CDH4: variants seen among roughly 807,000 people sequenced by gnomAD.
CDH4 encodes cadherin 4.
A neutral mutation model predicts 86.0 loss-of-function variants in CDH4; 33 were observed. The observed-to-expected ratio is 0.38, with a 90% CI of 0.29 to 0.51. The LOEUF is 0.51. CDH4 is among the 20% of genes least tolerant of loss of function. The pLI is 0.86. For missense variants in CDH4, 1,114 were observed against 1,307.4 expected (o/e 0.85, Z 2.28); for synonymous variants, 555 against 549.4 (o/e 1.01, Z -0.14).
At chr20:61,275,783 C>T (rs889433410) in intron 2 of CDH4, among the ~76,000 whole-genome samples, 1 of 151,962 alleles carries the variant, frequency 6.6e-6, no homozygotes, top group African/African-American at 2.4e-5. Flanking sequence ...TCTGAAGGAT[C>T]CTGGATTCTG....
At chr20:61,289,164 C>G (rs1568783333) in intron 2 of CDH4, among the ~76,000 whole-genome samples, 1 of 152,348 alleles carries the variant, frequency 6.6e-6, no homozygotes, top group Middle Eastern at 3.4e-3. Context: ...GGGTGCCCCA[C>G]TGCACCCTGC....
At chr20:61,744,351 AGAGG>A (rs1444122807) in intron 3 of CDH4, among the ~76,000 whole-genome samples, 1 of 149,406 alleles carries the variant, frequency 6.7e-6, no homozygotes, top group Non-Finnish European at 1.5e-5. Flanking sequence ...ACAGGAAAGG[AGAGG>A]GAGGGAGAGG....
At chr20:61,897,393 CAAGCACTGACCAGCAT>C (rs1294164910) in intron 8 of CDH4, among the ~76,000 whole-genome samples, 4 of 152,130 alleles carry the variant, frequency 2.6e-5, no homozygotes, top group Non-Finnish European at 4.4e-5. Context: ...GGACCAGCCA[CAAGCACTGACCAGCAT>C]AAGCACTGAC....
intron 2 of CDH4, among the ~76,000 whole-genome samples, chr20:61,533,633 A>G (rs4925186): frequency 0.15 from 23,396 of 152,190 alleles, 2,113 homozygotes; most frequent in East Asian, 0.45. Context: ...AATTAGAGCT[A>G]CTTCGGGTAC....
intron 7 of CDH4, among the ~76,000 whole-genome samples, chr20:61,888,803 G>A (rs1984659139): frequency 6.6e-6 from 1 of 152,180 alleles, no homozygotes; most frequent in Non-Finnish European, 1.5e-5. Flanking sequence ...CAGCATCAGG[G>A]ACCCTGACCG....
At chr20:61,464,801 G>T (rs1002946431) in intron 2 of CDH4, among the ~76,000 whole-genome samples, 1 of 152,330 alleles carries the variant, frequency 6.6e-6, no homozygotes, top group East Asian at 1.9e-4. Context: ...CCACTGGGGG[G>T]TGGAGGGACA....
At chr20:61,600,199 G>A (rs2086589142) in intron 2 of CDH4, among the ~76,000 whole-genome samples, 1 of 152,250 alleles carries the variant, frequency 6.6e-6, no homozygotes, top group South Asian at 2.1e-4. Context: ...CAGAACCGGA[G>A]GCCTGTGCAT....
intron 4 of CDH4, among the ~76,000 whole-genome samples, chr20:61,776,425 C>T (rs1406550067): frequency 2.0e-5 from 3 of 152,154 alleles, no homozygotes; most frequent in African/African-American, 7.2e-5. Context: ...TTCCGTGCTC[C>T]CAGGAAACCA....
chr20:61,806,557 A>G (rs904085694), intron 4 of CDH4, among the ~76,000 whole-genome samples: 15 of 120,054 alleles, frequency 1.2e-4, no homozygotes, highest in African/African-American at 4.1e-4. Context: ...GCGCACGCAC[A>G]CACATGTCCA....
rs1421392590 is a variant in CDH4, at chr20:61,516,095, C to T, written c.170-227468C>T. 2.0e-5 allele frequency among the ~76,000 whole-genome samples: 3 copies of T among 152,202 alleles called. No homozygotes were observed. Among genetic ancestry groups the T allele is most frequent in the Non-Finnish European group, 4.4e-5 (3 of 68,040 alleles). ...GCTCCCTCACCACAGGGGCTCGCCT[C>T]GTGCTCTGCGTTGCACTGGCAGAGG... On this transcript the variant is annotated intron_variant, in intron 2 of 15. Transcript: ENST00000614565. The surrounding 1 kb of genome is among the most constrained non-coding windows in gnomAD (Gnocchi z 4.0).
intron 2 of CDH4, among the ~76,000 whole-genome samples, chr20:61,712,105 G>A (rs900086936): frequency 6.6e-5 from 10 of 152,152 alleles, no homozygotes; most frequent in Admixed American, 2.6e-4. Flanking sequence ...GTGCAGGGAC[G>A]GAGGGTCTTC....
At chr20:61,633,184 A>AT (rs2086911835) in intron 2 of CDH4, among the ~76,000 whole-genome samples, 1 of 148,936 alleles carries the variant, frequency 6.7e-6, no homozygotes, top group Non-Finnish European at 1.5e-5. Context: ...CCACCCATCC[A>AT]TCCTCCATCC....
intron 2 of CDH4, among the ~76,000 whole-genome samples, chr20:61,299,504 G>A (rs956832342): frequency 6.6e-6 from 1 of 152,242 alleles, no homozygotes; most frequent in East Asian, 1.9e-4. Flanking sequence ...AAATATGCTG[G>A]AAGAAAAATG....
At position 61,894,907 on chromosome 20, in the gene CDH4, C is replaced by T. The variant is rs1205233526; in HGVS notation, c.1051-3C>T. 6.2e-7 allele frequency: 1 copy of T among 1,609,436 alleles called. No individual in the cohort carries two copies. The highest frequency in any genetic ancestry group is 2.2e-5 in the East Asian group (1 of 44,834). On this transcript the variant is annotated splice_region_variant and splice_polypyrimidine_tract_variant and intron_variant, in intron 7 of 15. Coordinates refer to ENST00000614565, the MANE Select transcript of CDH4 (RefSeq NM_001794.5). Reference sequence around the variant, plus strand: ...TCTTTCTCAACTGGTGTCTCCCTTCCAGAAAGTTCAGCAGTACACAGTCAT... The same window carrying T: ...TCTTTCTCAACTGGTGTCTCCCTTCTAGAAAGTTCAGCAGTACACAGTCAT...
At chr20:61,928,560 G>T in intron 12 of CDH4, 137 bp downstream of exon 12, 2 of 718,120 alleles carry the variant, frequency 2.8e-6, no homozygotes, top group African/African-American at 1.8e-5. Flanking sequence ...CAAGGCTGGG[G>T]ACACTGGCCA....
intron 7 of CDH4, among the ~76,000 whole-genome samples, chr20:61,889,285 C>T (rs2122847344): frequency 6.7e-6 from 1 of 149,716 alleles, no homozygotes; most frequent in South Asian, 2.1e-4. Flanking sequence ...GGAGAGGTCT[C>T]TTTAAAGCAT....
intron 2 of CDH4, among the ~76,000 whole-genome samples, chr20:61,422,460 AAAAAAAACC>A (rs2085185091): frequency 3.8e-5 from 2 of 53,026 alleles, no homozygotes; most frequent in African/African-American, 1.8e-4. Flanking sequence ...AAAAAAAAAA[AAAAAAAACC>A]AAATCTCCCC....
intron 2 of CDH4, among the ~76,000 whole-genome samples, chr20:61,573,231 C>T (rs1011395941): frequency 2.0e-5 from 3 of 152,176 alleles, no homozygotes; most frequent in Non-Finnish European, 2.9e-5. Flanking sequence ...TAGAACCCCA[C>T]CCAGCAGGGA....
intron 2 of CDH4, among the ~76,000 whole-genome samples, chr20:61,364,964 C>T (rs1218816820): frequency 2.6e-5 from 4 of 152,166 alleles, no homozygotes; most frequent in Non-Finnish European, 5.9e-5. Context: ...AAGGAGCCCC[C>T]AGGGGATCCC....
Sources: allele counts gnomAD v4.1 joint callset (sites outside exome capture counted in the v4.1 genomes callset), GRCh38; gene constraint gnomAD v4.1.1; non-coding constraint Gnocchi (gnomAD v3.1); transcripts MANE v1.5; gene names NCBI Gene and HGNC (gene_info 2026-07-23, HGNC 2026-07-21).